Variants in STARD9 observed in about 807,000 individuals in gnomAD.
STARD9 encodes the protein StAR related lipid transfer domain containing 9.
STARD9 carries 346 observed loss-of-function variants against 399.8 expected under a neutral mutation model. The observed-to-expected ratio is 0.87, with a 90% CI of 0.79 to 0.95. STARD9 has a LOEUF of 0.95. Ranked by LOEUF, STARD9 falls within the 40% of genes least tolerant of loss-of-function variation. The pLI, the probability that STARD9 is intolerant of heterozygous loss-of-function variation, is 0.00. For missense variants in STARD9, 5,832 were observed against 5,667.5 expected (o/e 1.03, Z -0.93); for synonymous variants, 2,203 against 2,143.5 (o/e 1.03, Z -0.77).
intron 17 of STARD9, 22 bp from the exon 18 acceptor site, chr15:42,674,805 G>A (rs1436580849): frequency 6.6e-7 from 1 of 1,504,878 alleles, no homozygotes; most frequent in Admixed American, 2.2e-5. Flanking sequence ...TCCCACCCAA[G>A]TGACCACCAC....
chr15:42,599,307 T>C (rs1162731321), intron 3 of STARD9, among the ~76,000 whole-genome samples: 4 of 152,212 alleles, frequency 2.6e-5, no homozygotes. Flanking sequence ...AAGTTTCAAA[T>C]ATACATGAAA....
intron 2 of STARD9, among the ~76,000 whole-genome samples, chr15:42,584,878 C>T (rs928175468): frequency 2.0e-5 from 3 of 152,118 alleles, no homozygotes; most frequent in African/African-American, 7.2e-5. Flanking sequence ...ATAGGTTGAA[C>T]GTCTTAATTT....
Position 42,665,328 on chromosome 15 carries a change from C to G in STARD9, c.1252C>G (p.Leu418Val). ...GAAAGCCCTGCTGCTGAGCTTTGAA[C>G]TGGTATGCAGACAGTCAGAACCTTT... ...RLKALLLSFE[L>V]RNFSSLSDEN... Residue 418 changes from leucine (L) to valine (V), a missense_variant and splice_region_variant, in exon 14 of 33, where the codon CTG becomes GTG. Leu to Val is a conservative substitution (Grantham distance 32). Around this residue, in one of 2 missense-constraint regions of STARD9, gnomAD observed 5,828 missense variants for 5,651.1 expected, o/e 1.03. Coordinates refer to ENST00000290607, the MANE Select transcript of STARD9 (RefSeq NM_020759.3). 1 of 1,536,512 alleles carries G rather than the reference C, an allele frequency of 6.5e-7. No homozygotes were observed. Among genetic ancestry groups the G allele is most frequent in the Non-Finnish European group, 8.7e-7 (1 of 1,146,288 alleles).
intron 26 of STARD9, among the ~76,000 whole-genome samples, chr15:42,698,875 C>T (rs2060900507): frequency 6.6e-6 from 1 of 151,980 alleles, no homozygotes; most frequent in Non-Finnish European, 1.5e-5. Flanking sequence ...GCTTGTTAGA[C>T]AGTTTATCTT....
At chr15:42,705,066 A>G (rs1308358990) in intron 26 of STARD9, among the ~76,000 whole-genome samples, 1 of 152,192 alleles carries the variant, frequency 6.6e-6, no homozygotes, top group Non-Finnish European at 1.5e-5. Flanking sequence ...GTCCGTGGGC[A>G]CAGGCCTGGA....
intron 7 of STARD9, among the ~76,000 whole-genome samples, chr15:42,645,578 T>G (rs2059629098): frequency 6.6e-6 from 1 of 151,910 alleles, no homozygotes; most frequent in Non-Finnish European, 1.5e-5. Context: ...TTTTTTTTTT[T>G]TGAGAGAGGG....
chr15:42,685,279 C>T lies in STARD9; in HGVS notation c.3701C>T (p.Thr1234Ile), dbSNP rs1317449164. ...TCAGCTGACGAGATACCCACAGAGACTTTTTGGCACCTGGAGGACTCTAGT... is the reference window on the plus strand; with the variant it reads ...TCAGCTGACGAGATACCCACAGAGATTTTTTGGCACCTGGAGGACTCTAGT... ...PGSADEIPTETFWHLEDSSLP... is the reference protein window; with the variant it reads ...PGSADEIPTEIFWHLEDSSLP... The change falls in exon 23 of 33, where the codon ACT becomes ATT. Residue 1234 changes from threonine to isoleucine, a missense_variant. Around this residue, in one of 2 missense-constraint regions of STARD9, gnomAD observed 5,828 missense variants for 5,651.1 expected, o/e 1.03. Transcript: ENST00000290607. 1 of 1,537,574 alleles carries T rather than the reference C, an allele frequency of 6.5e-7. No homozygotes were observed.
chr15:42,684,880 C>G lies in STARD9; in HGVS notation c.3302C>G (p.Ser1101Cys). 3 of 1,537,132 alleles carry G rather than the reference C, an allele frequency of 2.0e-6. No individual in the cohort carries two copies. Among genetic ancestry groups the G allele is most frequent in the Non-Finnish European group, 2.6e-6 (3 of 1,146,916 alleles). The change falls in exon 23 of 33, where the codon TCT becomes TGT. Residue 1101 changes from serine to cysteine, a missense_variant. Around this residue, in one of 2 missense-constraint regions of STARD9, gnomAD observed 5,828 missense variants for 5,651.1 expected, o/e 1.03. Coordinates refer to ENST00000290607, the MANE Select transcript of STARD9 (RefSeq NM_020759.3). ...DHSREKDNDLSDTDSNYSLDS... is the reference protein window; with the variant it reads ...DHSREKDNDLCDTDSNYSLDS... The stretch of plus-strand genomic sequence containing the variant: ...TCAAGAGAAAAAGACAATGATTTAT[C>G]TGACACAGATAGCAACTACTCATTG...
intron 26 of STARD9, among the ~76,000 whole-genome samples, chr15:42,714,633 T>C (rs1181203373): frequency 2.0e-5 from 3 of 152,178 alleles, no homozygotes; most frequent in African/African-American, 7.2e-5. Context: ...TCTTAAACCA[T>C]TTTTGAGGCC....
At chr15:42,698,910 C>T (rs2060901047) in intron 26 of STARD9, among the ~76,000 whole-genome samples, 1 of 152,028 alleles carries the variant, frequency 6.6e-6, no homozygotes, top group South Asian at 2.1e-4. Flanking sequence ...AAGGGGTCCC[C>T]TTTCCTTATA....
At chr15:42,607,193 G>GTTTTTT (rs2058745768) in intron 3 of STARD9, among the ~76,000 whole-genome samples, 1 of 31,696 alleles carries the variant, frequency 3.2e-5, no homozygotes, top group Non-Finnish European at 1.0e-4. Context: ...TTTTTCTGGT[G>GTTTTTT]CTTTTTTTTT....
chr15:42,638,024 A>T lies in STARD9; in HGVS notation c.385-2A>T. 6.5e-7 allele frequency: 1 copy of T among 1,537,426 alleles called. No individual in the cohort carries two copies. The highest frequency in any genetic ancestry group is 1.4e-5 in the African/African-American group (1 of 73,168). ...GAAACCCCAACCCTCTGGTTTGTGCAGGGTCTCTTCGTCAGGGAGAAAGAC... is the reference window on the plus strand; with the variant it reads ...GAAACCCCAACCCTCTGGTTTGTGCTGGGTCTCTTCGTCAGGGAGAAAGAC... On this transcript the variant is annotated splice_acceptor_variant, in intron 5 of 32. Coordinates refer to ENST00000290607, the MANE Select transcript of STARD9 (RefSeq NM_020759.3). LOFTEE classifies it high-confidence loss of function.
In STARD9 at chr15:42,720,467, G is replaced by A. The variant is rs2061431292; in HGVS notation, c.*893G>A. On this transcript the variant is annotated 3_prime_UTR_variant, in exon 33 of 33. Coordinates refer to ENST00000290607, the MANE Select transcript of STARD9 (RefSeq NM_020759.3). ...AGAGGAGGTGAGTGGCTTGTTGGGA[G>A]GAAGCTCAGTTCCAGAACTTACCTC... 6.6e-6 allele frequency: 1 copy of A among 152,318 alleles called. No individual in the cohort carries two copies. The highest frequency in any genetic ancestry group is 2.1e-4 in the South Asian group (1 of 4,828). The allele number at this position is 152,318 out of a possible 1,614,324, so 9.4% of individuals were successfully genotyped here. A position where few individuals can be genotyped will look rare whatever the true frequency, so the allele number is the denominator to read the frequency against.
rs1046227229 is a variant in STARD9, at chr15:42,686,200, A to G, written c.4622A>G (p.Asn1541Ser). ...LLPVGPRVSS[N>S]LNLNNFPVHL... ...CCAGTTGGCCCTAGGGTATCTAGCA[A>G]TCTGAATCTCAACAACTTTCCAGTC... Residue 1541 changes from asparagine (N) to serine (S), a missense_variant, in exon 23 of 33, where the codon AAT becomes AGT. Physicochemically the swap from Asn to Ser is conservative, Grantham distance 46 (BLOSUM62 1). Transcript: ENST00000290607. 1.7e-5 allele frequency: 26 copies of G among 1,537,548 alleles called. No individual in the cohort carries two copies. Among genetic ancestry groups the G allele is most frequent in the Middle Eastern group, 1.7e-4 (1 of 6,014 alleles).
At position 42,663,482 on chromosome 15, in the gene STARD9, T is replaced by C; in HGVS notation, c.1070T>C (p.Met357Thr). Residue 357 changes from methionine to threonine, a missense_variant, in exon 12 of 33, where the codon ATG becomes ACG. Coordinates refer to ENST00000290607, the MANE Select transcript of STARD9 (RefSeq NM_020759.3). ...DSLGGNSKTI[M>T]VATVSPAHTS... ...CTTGGAGGCAACTCTAAAACCATCA[T>C]GGTTGCCAGTGAGTGGGATGCCAGA... 1 of 1,537,324 alleles carries C rather than the reference T, an allele frequency of 6.5e-7. No homozygotes were observed. Among genetic ancestry groups the C allele is most frequent in the Non-Finnish European group, 8.7e-7 (1 of 1,146,892 alleles).
chr15:42,586,834 A>G (rs2058286128), intron 3 of STARD9, among the ~76,000 whole-genome samples: 1 of 151,786 alleles, frequency 6.6e-6, no homozygotes, highest in East Asian at 1.9e-4. Context: ...TCAGTCTTTC[A>G]TAAAACTTTT....
chr15:42,637,787 G>A (rs2059446709), intron 4 of STARD9, 120 bp from the exon 5 acceptor site: 2 of 1,005,954 alleles, frequency 2.0e-6, no homozygotes, highest in South Asian at 1.4e-5. Context: ...CTGGAGTGAA[G>A]AGGCTAGCAC....
chr15:42,700,956 A>T (rs2060952066), intron 26 of STARD9, among the ~76,000 whole-genome samples: 1 of 152,138 alleles, frequency 6.6e-6, no homozygotes, highest in Admixed American at 6.6e-5. Flanking sequence ...ATAGGGGTCT[A>T]GTTTCTTGCT....
chr15:42,653,614 C>T (rs908456520), intron 9 of STARD9, among the ~76,000 whole-genome samples: 1 of 151,998 alleles, frequency 6.6e-6, no homozygotes, highest in African/African-American at 2.4e-5. Flanking sequence ...AGTCAGGGGG[C>T]TGAGATAATA....
Sources: allele counts gnomAD v4.1 joint callset (sites outside exome capture counted in the v4.1 genomes callset), GRCh38; gene constraint gnomAD v4.1.1; regional missense constraint gnomAD v4.1.1; transcripts MANE v1.5; gene names NCBI Gene and HGNC (gene_info 2026-07-23, HGNC 2026-07-21).